LINGO1: variants seen among roughly 807,000 people sequenced by gnomAD.
LINGO1 encodes the protein leucine-rich repeat and immunoglobulin-like domain-containing nogo receptor-interacting protein 1.
Under a neutral mutation model 37.3 loss-of-function variants are expected in LINGO1, and 11 were observed. That is an observed-to-expected ratio of 0.29 (90% confidence interval 0.19 to 0.49). The LOEUF (loss-of-function observed/expected upper bound fraction) is 0.49, where lower values mean the gene tolerates loss of function less well. LINGO1 is among the 20% of genes least tolerant of loss of function. The probability of loss-of-function intolerance (pLI) is 0.99; values close to 1 mark genes in which losing one functional copy is unlikely to be tolerated. For synonymous variants in LINGO1, 387 were observed against 403.0 expected (o/e 0.96, Z 0.48); for missense variants, 585 against 878.2 (o/e 0.67, Z 4.22).
chr15:77,614,076 C>T lies in LINGO1; in HGVS notation c.1831G>A (p.Ala611Thr). The T allele has an allele frequency of 1.2e-6, 2 of 1,609,192 alleles. No homozygotes were observed. Among genetic ancestry groups the T allele is most frequent in the African/African-American group, 1.3e-5 (1 of 74,938 alleles). ...ATCTTCATGTTGAACTTGCGGGGCG[C>T]GTCGGCGGAGCTGATGCCTGCGTCC... is the stretch of plus-strand genomic sequence containing the variant. The part of the protein sequence containing the change: ...KSDAGISSAD[A>T]PRKFNMKMI Residue 611 changes from alanine to threonine, a missense_variant, in exon 2 of 2, where the codon GCG becomes ACG. Around this residue, in one of 4 missense-constraint regions of LINGO1, gnomAD observed 34 missense variants for 62.0 expected, o/e 0.55. Coordinates refer to ENST00000355300, the MANE Select transcript of LINGO1 (RefSeq NM_032808.7).
At chr15:77,684,428 C>T (rs1012608417) in intron 2 of LINGO1, among the ~76,000 whole-genome samples, 4 of 152,222 alleles carry the variant, frequency 2.6e-5, no homozygotes, top group Non-Finnish European at 5.9e-5. Context: ...ATGCAGCCTT[C>T]TACTAGTGCT....
At chr15:77,705,402 G>GA (rs1402646818) in intron 2 of LINGO1, among the ~76,000 whole-genome samples, 1 of 152,198 alleles carries the variant, frequency 6.6e-6, no homozygotes, top group Admixed American at 6.5e-5. Context: ...TGTCCAAGGG[G>GA]AGACACTGAG....
At chr15:77,643,485 C>A (rs982270368) in intron 3 of LINGO1, among the ~76,000 whole-genome samples, 1 of 152,192 alleles carries the variant, frequency 6.6e-6, no homozygotes, top group Admixed American at 6.5e-5. Flanking sequence ...CATGGGGCAT[C>A]GGGGTTGGAT....
At position 77,614,544 on chromosome 15, in the gene LINGO1, C is replaced by A. The variant is rs1439843594; in HGVS notation, c.1363G>T (p.Ala455Ser). 3 of 1,610,050 alleles carry A rather than the reference C, an allele frequency of 1.9e-6. No individual in the cohort carries two copies. Among genetic ancestry groups the A allele is most frequent in the Non-Finnish European group, 2.5e-6 (3 of 1,179,256 alleles). Residue 455 changes from alanine to serine, a missense_variant, in exon 2 of 2, where the codon GCC (alanine) becomes TCC (serine). Around this residue, in one of 4 missense-constraint regions of LINGO1, gnomAD observed 484 missense variants for 735.0 expected, o/e 0.66. Coordinates refer to ENST00000355300, the MANE Select transcript of LINGO1 (RefSeq NM_032808.7). ...TTTCGGGGTGAGAGCCAGAGGATGG[C>A]GGGCGGCGGGTCGCCATCGGCCCGG... ...VCRADGDPPPAILWLSPRKHL... is the reference protein window; with the variant it reads ...VCRADGDPPPSILWLSPRKHL...
chr15:77,621,573 A>AG (rs141729767), intron 1 of LINGO1, among the ~76,000 whole-genome samples: 2,943 of 151,670 alleles, frequency 0.019, 93 homozygotes, highest in African/African-American at 0.069. Context: ...AGGCCAGGCC[A>AG]GGGGAGGGGC....
At chr15:77,723,914 CT>C (rs1234768609) in intron 2 of LINGO1, among the ~76,000 whole-genome samples, 6 of 152,184 alleles carry the variant, frequency 3.9e-5, no homozygotes, top group Non-Finnish European at 8.8e-5. Context: ...AGAGACAGAT[CT>C]CTCAGGCTCA....
At chr15:77,775,425 G>T (rs1370173671) in intron 1 of LINGO1, among the ~76,000 whole-genome samples, 1 of 152,144 alleles carries the variant, frequency 6.6e-6, no homozygotes, top group East Asian at 1.9e-4. Flanking sequence ...GGTCTCTCCT[G>T]CCTGCCACCT....
intron 1 of LINGO1, among the ~76,000 whole-genome samples, chr15:77,744,842 A>G (rs2076297569): frequency 6.6e-6 from 1 of 152,210 alleles, no homozygotes; most frequent in African/African-American, 2.4e-5. Flanking sequence ...CTAGCCGGGC[A>G]CAGTGGCTCA....
chr15:77,805,730 T>G (rs1161478540), intron 1 of LINGO1, among the ~76,000 whole-genome samples: 1 of 152,032 alleles, frequency 6.6e-6, no homozygotes, highest in African/African-American at 2.4e-5. Context: ...ATTTCCTCCA[T>G]GCGTTTCCTG....
chr15:77,694,928 C>T (rs1158009510), intron 1 of LINGO1, among the ~76,000 whole-genome samples: 3 of 152,124 alleles, frequency 2.0e-5, no homozygotes, highest in African/African-American at 7.2e-5. Context: ...CCCCGGGGGG[C>T]CTGGGATTGC....
At chr15:77,646,913 C>T (rs1596042389) in intron 3 of LINGO1, among the ~76,000 whole-genome samples, 2 of 152,210 alleles carry the variant, frequency 1.3e-5, no homozygotes, top group East Asian at 3.9e-4. Context: ...TCATTTCATA[C>T]TCTCAATGGC....
chr15:77,634,629 C>T (rs1019077512), upstream of LINGO1, among the ~76,000 whole-genome samples: 1 of 152,162 alleles, frequency 6.6e-6, no homozygotes, highest in Non-Finnish European at 1.5e-5. Flanking sequence ...GCAGGCTCGG[C>T]AGAAGGACTT....
intron 1 of LINGO1, among the ~76,000 whole-genome samples, chr15:77,757,995 T>C (rs762970085): frequency 6.6e-6 from 1 of 152,098 alleles, no homozygotes; most frequent in Non-Finnish European, 1.5e-5. Context: ...TCAGGAAAAA[T>C]ATATGACACT....
chr15:77,665,667 C>A (rs1426887379), intron 3 of LINGO1, among the ~76,000 whole-genome samples: 1 of 152,216 alleles, frequency 6.6e-6, no homozygotes, highest in Non-Finnish European at 1.5e-5. Context: ...GCTGGGAATT[C>A]CACCCGCCTG....
intron 2 of LINGO1, among the ~76,000 whole-genome samples, chr15:77,724,796 C>T (rs968695707): frequency 1.3e-5 from 2 of 152,208 alleles, no homozygotes; most frequent in African/African-American, 4.8e-5. Flanking sequence ...CTGGGCCAGG[C>T]TCTAGCCTCA....
At chr15:77,684,541 C>G (rs1027170433) in intron 2 of LINGO1, among the ~76,000 whole-genome samples, 1 of 152,238 alleles carries the variant, frequency 6.6e-6, no homozygotes, top group African/African-American at 2.4e-5. Context: ...ACTGCTCCCC[C>G]ACCACTGCAG....
At chr15:77,740,808 G>A (rs958324070) in intron 1 of LINGO1, among the ~76,000 whole-genome samples, 11 of 152,220 alleles carry the variant, frequency 7.2e-5, no homozygotes, top group African/African-American at 2.7e-4. Context: ...GGCTGCCCAA[G>A]CAGATCTCTA....
chr15:77,682,955 A>G (rs1434459834), intron 2 of LINGO1, among the ~76,000 whole-genome samples: 6 of 152,226 alleles, frequency 3.9e-5, no homozygotes, highest in African/African-American at 1.4e-4. Context: ...GACAAACAGC[A>G]GACTAGGGAA....
At chr15:77,678,891 TTTTTTG>T (rs929485295) in intron 2 of LINGO1, among the ~76,000 whole-genome samples, 11 of 152,050 alleles carry the variant, frequency 7.2e-5, no homozygotes, top group African/African-American at 1.2e-4. Flanking sequence ...GGTTTTTTTG[TTTTTTG>T]TTTTTGTTTT....
Sources: allele counts gnomAD v4.1 joint callset (sites outside exome capture counted in the v4.1 genomes callset), GRCh38; gene constraint gnomAD v4.1.1; regional missense constraint gnomAD v4.1.1; transcripts MANE v1.5; gene names NCBI Gene and HGNC (gene_info 2026-07-23, HGNC 2026-07-21).